CAST: variants seen among roughly 807,000 people sequenced by gnomAD.
CAST encodes the protein MIR583 host.
In CAST, 76 loss-of-function variants were observed where a neutral mutation model predicts 119.6. The ratio of observed to expected loss-of-function variants is 0.64; its 90% CI spans 0.53 to 0.77. CAST has a LOEUF of 0.77. CAST is among the 30% of genes least tolerant of loss of function. The pLI is 0.00. For synonymous variants in CAST, 319 were observed against 331.6 expected, an observed-to-expected ratio of 0.96 and a Z score of 0.41; for missense variants, 953 against 946.5, an observed-to-expected ratio of 1.01 and a Z score of -0.09.
At chr5:96,210,867 C>A in the CAST span, among the ~76,000 whole-genome samples, 1 of 151,802 alleles carries the variant, frequency 6.6e-6, no homozygotes, top group African/African-American at 2.4e-5. Flanking sequence ...CATTTTGTAA[C>A]TTTCAGCACA....
the CAST span, among the ~76,000 whole-genome samples, chr5:96,204,667 T>A: frequency 6.6e-6 from 1 of 151,984 alleles, no homozygotes; most frequent in Non-Finnish European, 1.5e-5. Context: ...TCTGGGAGTA[T>A]TTAAATCCTC....
chr5:96,644,025 G>T (rs975972432), intron 1 of CAST, among the ~76,000 whole-genome samples: 4 of 151,688 alleles, frequency 2.6e-5, no homozygotes, highest in African/African-American at 9.7e-5. Context: ...CAGCCTGGGG[G>T]ACAGAACGAG....
At chr5:95,976,426 C>T in the CAST span, among the ~76,000 whole-genome samples, 1 of 151,984 alleles carries the variant, frequency 6.6e-6, no homozygotes. Context: ...AATTATAATA[C>T]CAAACCAGAG....
Position 96,619,548 on chromosome 5 carries a change from C to T in CAST, c.61-55991C>T, listed in dbSNP as rs548995062. Among the ~76,000 whole-genome samples the T allele has an allele frequency of 5.3e-5, 8 of 152,298 alleles. No homozygotes were observed. In the South Asian group the frequency reaches 1.7e-3, roughly 32 times the overall value. On this transcript the variant is annotated intron_variant, in intron 1 of 11. Transcript: ENST00000505143. Reference sequence around the variant, plus strand: ...TCTTCCACAGTGTGGTAGCTTTGTTCTTTTGCTTTTTGCAATAAATCTTGC... The same window carrying T: ...TCTTCCACAGTGTGGTAGCTTTGTTTTTTTGCTTTTTGCAATAAATCTTGC...
the CAST span, among the ~76,000 whole-genome samples, chr5:96,147,009 G>C: frequency 6.6e-6 from 1 of 152,208 alleles, no homozygotes; most frequent in Admixed American, 6.5e-5. Context: ...GCTGGGAAAT[G>C]TAGGAGCGCA....
rs564394883 is a variant in CAST, at chr5:96,627,653, A to G, written c.61-47886A>G. The stretch of plus-strand genomic sequence containing the variant: ...ATACTTCCTTAACAAACTCCTGTTT[A>G]CGGAAAGAAAGGTTTGCTCAGTGCA... On this transcript the variant is annotated intron_variant, in intron 1 of 11. Transcript: ENST00000505143. Among the ~76,000 whole-genome samples the G allele has an allele frequency of 3.3e-5, 5 of 152,352 alleles. 1 individual carries two copies. The South Asian group carries it at 8.3e-4, about 25-fold the overall frequency.
chr5:96,609,964 G>T (rs1747329523), intron 1 of CAST, among the ~76,000 whole-genome samples: 1 of 152,112 alleles, frequency 6.6e-6, no homozygotes. Flanking sequence ...GGCCAGAGGT[G>T]AAATGATATG....
intron 24 of CAST, among the ~76,000 whole-genome samples, 173 bp downstream of exon 24, chr5:96,757,827 A>C (rs1237991563): frequency 6.6e-6 from 1 of 151,774 alleles, no homozygotes; most frequent in Non-Finnish European, 1.5e-5. Flanking sequence ...AGTAGCTGGG[A>C]CTACAGGGGT....
chr5:96,219,294 G>A, the CAST span, among the ~76,000 whole-genome samples: 1 of 152,054 alleles, frequency 6.6e-6, no homozygotes, highest in Non-Finnish European at 1.5e-5. Context: ...CTTCTATTAT[G>A]CATTCAGGAG....
chr5:96,655,644 A>G (rs1748147981), intron 1 of CAST, among the ~76,000 whole-genome samples: 1 of 152,260 alleles, frequency 6.6e-6, no homozygotes, highest in Non-Finnish European at 1.5e-5. Context: ...GCCTTATCTT[A>G]GCTCATCTTA....
At chr5:96,531,120 CACA>C (rs1371902045) in intron 1 of CAST, among the ~76,000 whole-genome samples, 15 of 152,048 alleles carry the variant, frequency 9.9e-5, no homozygotes, top group African/African-American at 3.6e-4. Context: ...AGACAAAAAC[CACA>C]ACAACAAAGA....
the CAST span, among the ~76,000 whole-genome samples, chr5:96,276,456 A>G: frequency 6.6e-6 from 1 of 152,196 alleles, no homozygotes; most frequent in Non-Finnish European, 1.5e-5. Context: ...CAAACACTGA[A>G]GCAGGCTGGG....
the CAST span, among the ~76,000 whole-genome samples, chr5:96,345,743 T>C: frequency 6.6e-6 from 1 of 152,242 alleles, no homozygotes; most frequent in Non-Finnish European, 1.5e-5. Flanking sequence ...TCAGGGACTG[T>C]TGGACTAGGG....
chr5:96,264,106 G>A, the CAST span, among the ~76,000 whole-genome samples: 3 of 152,254 alleles, frequency 2.0e-5, no homozygotes, highest in Non-Finnish European at 2.9e-5. Context: ...CACTAAATAC[G>A]TGTCAGATTA....
At chr5:96,031,464 G>A in the CAST span, among the ~76,000 whole-genome samples, 1 of 152,002 alleles carries the variant, frequency 6.6e-6, no homozygotes, top group Non-Finnish European at 1.5e-5. Flanking sequence ...AACCACTTTT[G>A]CCCGCTTGGT....
At chr5:96,662,277 TG>T, upstream of CAST, 2 of 1,001,280 alleles carry the variant, frequency 2.0e-6, no homozygotes, top group Non-Finnish European at 2.6e-6. Context: ...AGACCTGGGG[TG>T]GGGTCGGAAA....
chr5:96,122,037 C>A, the CAST span, among the ~76,000 whole-genome samples: 1 of 152,156 alleles, frequency 6.6e-6, no homozygotes, highest in Admixed American at 6.5e-5. Context: ...TTTAGGTTGG[C>A]AGGGCTTCAA....
At chr5:95,998,147 A>G in the CAST span, among the ~76,000 whole-genome samples, 3 of 151,774 alleles carry the variant, frequency 2.0e-5, no homozygotes, top group Non-Finnish European at 2.9e-5. Flanking sequence ...GTAGTGAGGT[A>G]TATTTTACAT....
chr5:96,272,554 T>A, the CAST span, among the ~76,000 whole-genome samples: 1,077 of 152,068 alleles, frequency 7.1e-3, 11 homozygotes, highest in African/African-American at 0.025. Flanking sequence ...AAAAAGTGGA[T>A]CTCATGAAGA....
Sources: gnomAD v4.1 joint callset for allele counts (sites outside exome capture counted in the v4.1 genomes callset) on GRCh38, gnomAD v4.1.1 for gene constraint, MANE v1.5 for transcripts, NCBI Gene and HGNC (gene_info 2026-07-23, HGNC 2026-07-21) for gene names.